The following NAV3 variants were observed in gnomAD, a reference collection of about 807,000 sequenced individuals.
NAV3 encodes the protein neuron navigator 3, also known as pore membrane and/or filament interacting like protein 1.
A neutral mutation model predicts 244.7 loss-of-function variants in NAV3; 87 were observed. The observed-to-expected ratio is 0.36, with a 90% CI of 0.30 to 0.42. The LOEUF (loss-of-function observed/expected upper bound fraction) is 0.42. Ranked by LOEUF, NAV3 falls within the 20% of genes least tolerant of loss-of-function variation. NAV3 has a pLI of 1.00. For missense variants in NAV3, 2,663 were observed against 2,893.3 expected (o/e 0.92, Z 1.83); for synonymous variants, 1,126 against 1,042.2 (o/e 1.08, Z -1.55).
chr12:78,103,757 G>T (rs1039177469), intron 12 of NAV3, among the ~76,000 whole-genome samples: 2 of 152,104 alleles, frequency 1.3e-5, no homozygotes, highest in African/African-American at 2.4e-5. Flanking sequence ...TAAAACCATC[G>T]GACCTTGTAA....
intron 1 of NAV3, among the ~76,000 whole-genome samples, chr12:77,900,728 C>A (rs1178616685): frequency 6.6e-6 from 1 of 152,112 alleles, no homozygotes; most frequent in Non-Finnish European, 1.5e-5. Context: ...GGTTATATAA[C>A]CAGTAATGAG....
intron 2 of NAV3, among the ~76,000 whole-genome samples, chr12:77,785,808 C>G (rs936118702): frequency 1.3e-5 from 2 of 152,124 alleles, no homozygotes; most frequent in Non-Finnish European, 1.5e-5. Context: ...TTCAATATGG[C>G]TTTTATGAGA....
chr12:78,196,559 A>T (rs1490655498), intron 34 of NAV3, among the ~76,000 whole-genome samples: 2 of 152,058 alleles, frequency 1.3e-5, no homozygotes, highest in East Asian at 3.9e-4. Flanking sequence ...CTGTGAGAGC[A>T]GTCAATCAGC....
At chr12:77,783,616 G>A (rs1870773572) in intron 2 of NAV3, 1 of 152,244 alleles carries the variant, frequency 6.6e-6, no homozygotes, top group Non-Finnish European at 1.5e-5. Context: ...GGGGAAATGG[G>A]GCAGGCTTCA....
intron 2 of NAV3, among the ~76,000 whole-genome samples, chr12:77,768,677 G>T (rs2135867481): frequency 6.6e-6 from 1 of 152,314 alleles, no homozygotes; most frequent in East Asian, 1.9e-4. Flanking sequence ...GGGGACTTCT[G>T]GGCCAGGAGT....
At position 78,177,239 on chromosome 12, in the gene NAV3, G is replaced by C. The variant is rs762163689; in HGVS notation, c.5223G>C (p.Pro1741=). Residue 1741 remains proline, a synonymous_variant, in exon 27 of 40, where the codon CCG becomes CCC. Transcript: ENST00000397909. ...AAGAGCTTACTGATTCATCCCTTCC[G>C]GCATCCCCCAAGTTACCCCATAATG... The part of the protein sequence containing the change: ...DIEELTDSSL[P]ASPKLPHNAG... 1.1e-5 allele frequency: 17 copies of C among 1,613,272 alleles called. No individual in the cohort carries two copies. In the Admixed American group the frequency reaches 1.5e-4, roughly 14 times the overall value.
chr12:77,777,676 G>A (rs1395523238), intron 2 of NAV3, among the ~76,000 whole-genome samples: 1 of 152,052 alleles, frequency 6.6e-6, no homozygotes, highest in African/African-American at 2.4e-5. Flanking sequence ...TATATCGTTA[G>A]GATAATAAAG....
chr12:77,579,347 A>C (rs2136669786), intron 2 of NAV3, among the ~76,000 whole-genome samples: 1 of 152,320 alleles, frequency 6.6e-6, no homozygotes, highest in African/African-American at 2.4e-5. Flanking sequence ...CCATGACTCT[A>C]CCTTACTTCA....
intron 2 of NAV3, among the ~76,000 whole-genome samples, chr12:77,820,380 G>T (rs747669873): frequency 3.8e-4 from 58 of 152,038 alleles, no homozygotes; most frequent in Admixed American, 1.0e-3. Context: ...AGGGTCTTCT[G>T]GCTGCATCTT....
chr12:77,619,860 GT>G (rs1871295132), intron 2 of NAV3, among the ~76,000 whole-genome samples: 1 of 151,644 alleles, frequency 6.6e-6, no homozygotes, highest in Non-Finnish European at 1.5e-5. Context: ...GCACGTTAAT[GT>G]GACAAAAAGT....
chr12:78,203,680 A>G (rs1327242854), intron 38 of NAV3, among the ~76,000 whole-genome samples: 2 of 152,026 alleles, frequency 1.3e-5, no homozygotes, highest in Non-Finnish European at 2.9e-5. Flanking sequence ...CAACAAACCA[A>G]AGTATGTCAT....
intron 1 of NAV3, among the ~76,000 whole-genome samples, chr12:77,848,959 A>C (rs559135877): frequency 2.6e-5 from 4 of 152,298 alleles, no homozygotes; most frequent in Non-Finnish European, 5.9e-5. Context: ...AGTCAGTCAA[A>C]GTTTATAGTT....
At chr12:78,000,058 A>T (rs1262557158) in intron 7 of NAV3, among the ~76,000 whole-genome samples, 1 of 152,148 alleles carries the variant, frequency 6.6e-6, no homozygotes, top group East Asian at 1.9e-4. Flanking sequence ...ATTTATCTGA[A>T]TTTTTCTGTA....
chr12:77,995,339 AT>A (rs1210519298), intron 6 of NAV3, among the ~76,000 whole-genome samples: 2 of 152,094 alleles, frequency 1.3e-5, no homozygotes, highest in African/African-American at 2.4e-5. Context: ...TAATAGTTTA[AT>A]TTTTTTGCTT....
chr12:77,838,064 T>G (rs540309382), intron 1 of NAV3, among the ~76,000 whole-genome samples: 1 of 152,360 alleles, frequency 6.6e-6, no homozygotes, highest in East Asian at 1.9e-4. Context: ...AGGTCAGCTC[T>G]TGGGTCCCCA....
chr12:77,656,150 G>T (rs1873091953), intron 2 of NAV3, among the ~76,000 whole-genome samples: 1 of 150,120 alleles, frequency 6.7e-6, no homozygotes, highest in Non-Finnish European at 1.5e-5. Flanking sequence ...CCAATTAAAA[G>T]ACACAGACTG....
intron 38 of NAV3, 31 bp downstream of exon 38, chr12:78,200,622 TTTTA>T: frequency 7.6e-7 from 1 of 1,311,372 alleles, no homozygotes; most frequent in South Asian, 1.6e-5. Flanking sequence ...TGCTATTTTT[TTTTA>T]AAAAAAAAAA....
intron 2 of NAV3, among the ~76,000 whole-genome samples, chr12:77,635,941 A>G (rs377245512): frequency 2.0e-5 from 3 of 152,318 alleles, no homozygotes; most frequent in African/African-American, 7.2e-5. Context: ...CTTACTCTCC[A>G]TATTATAAAA....
chr12:77,786,545 G>C (rs1158558739), intron 2 of NAV3, among the ~76,000 whole-genome samples: 1 of 152,074 alleles, frequency 6.6e-6, no homozygotes, highest in Non-Finnish European at 1.5e-5. Flanking sequence ...CATTTGGGCA[G>C]CATGTCAACA....
Sources: gnomAD v4.1 joint callset for allele counts (sites outside exome capture counted in the v4.1 genomes callset) on GRCh38, gnomAD v4.1.1 for gene constraint, MANE v1.5 for transcripts, NCBI Gene and HGNC (gene_info 2026-07-23, HGNC 2026-07-21) for gene names.